The following CDYL variants were observed in gnomAD, a reference collection of about 807,000 sequenced individuals.
The protein encoded by CDYL is chromodomain Y-like protein.
In CDYL, 8 loss-of-function variants were observed where a neutral mutation model predicts 47.3. The observed-to-expected ratio is 0.17, with a 90% CI of 0.10 to 0.31. The LOEUF is 0.31. Among genes scored for constraint, CDYL ranks in the 10% least tolerant of loss-of-function variants. The pLI is 1.00. For synonymous variants in CDYL, 266 were observed against 265.0 expected (o/e 1.00, Z -0.04); for missense variants, 471 against 701.4 (o/e 0.67, Z 3.71).
At chr6:4,872,051 C>T (rs908132390) in intron 1 of CDYL, among the ~76,000 whole-genome samples, 3 of 152,098 alleles carry the variant, frequency 2.0e-5, no homozygotes, top group Admixed American at 6.5e-5. Context: ...AGTATGTGTG[C>T]GCAAGTGTAT....
chr6:4,759,350 G>A (rs1758133835), intron 3 of CDYL, among the ~76,000 whole-genome samples: 2 of 152,048 alleles, frequency 1.3e-5, no homozygotes, highest in Non-Finnish European at 2.9e-5. Flanking sequence ...GAGACTTTGT[G>A]CATTTTATTC....
chr6:4,709,560 C>T (rs1001036307), intron 1 of CDYL, among the ~76,000 whole-genome samples: 1 of 152,140 alleles, frequency 6.6e-6, no homozygotes, highest in Non-Finnish European at 1.5e-5. Context: ...GGTCCCTTCC[C>T]CCACCTCCCC....
At chr6:4,776,135 A>C (rs373302690), upstream of CDYL, among the ~76,000 whole-genome samples, 1 of 146,128 alleles carries the variant, frequency 6.8e-6, no homozygotes, top group African/African-American at 2.5e-5. Flanking sequence ...GGGACTGGGG[A>C]AGTCGGAGCC....
At chr6:4,847,101 G>A (rs1301014430) in intron 1 of CDYL, among the ~76,000 whole-genome samples, 3 of 152,148 alleles carry the variant, frequency 2.0e-5, no homozygotes, top group Non-Finnish European at 4.4e-5. Flanking sequence ...ACCCAGCATG[G>A]ACCACCCAGG....
intron 1 of CDYL, among the ~76,000 whole-genome samples, chr6:4,827,695 A>T (rs1019200512): frequency 6.6e-6 from 1 of 152,094 alleles, no homozygotes; most frequent in Non-Finnish European, 1.5e-5. Flanking sequence ...TCACTCTGTC[A>T]CCCAGGCTGG....
chr6:4,831,531 C>G (rs1313794295), intron 1 of CDYL, among the ~76,000 whole-genome samples: 2 of 152,174 alleles, frequency 1.3e-5, no homozygotes, highest in African/African-American at 4.8e-5. Context: ...CAGCTTTGTT[C>G]TTTTGGCTTA....
rs373046519 is a variant in CDYL, at chr6:4,929,397, CAT to C, written c.692-6116_692-6115del. 2.8e-3 allele frequency among the ~76,000 whole-genome samples: 430 copies of C among 151,200 alleles called. 2 individuals carry two copies. Among genetic ancestry groups the C allele is most frequent in the African/African-American group, 7.8e-3 (319 of 40,816 alleles). ...TAGTTTGGGGTTTGTGTGTATTTATCATAGTTAGTATTTTTTAAGCTTCTTGA... is the reference window on the plus strand; with the variant it reads ...TAGTTTGGGGTTTGTGTGTATTTATCAGTTAGTATTTTTTAAGCTTCTTGA... On this transcript the variant is annotated intron_variant, in intron 2 of 6. Transcript: ENST00000397588.
chr6:4,834,325 A>C (rs1257726971), intron 1 of CDYL, among the ~76,000 whole-genome samples: 3 of 148,360 alleles, frequency 2.0e-5, no homozygotes, highest in East Asian at 2.0e-4. Flanking sequence ...TTTCTCCTTC[A>C]CTTATGAAGC....
chr6:4,821,260 CTTTTTTTTTTTT>C (rs1176819548), intron 1 of CDYL, among the ~76,000 whole-genome samples: 18 of 60,384 alleles, frequency 3.0e-4, no homozygotes, highest in South Asian at 7.0e-4. Context: ...TATGGGAATT[CTTTTTTTTTTTT>C]TTTTTTTTTT....
chr6:4,776,897 G>T (rs1005562458), intron 1 of CDYL, 90 bp downstream of exon 1: 96 of 495,528 alleles, frequency 1.9e-4, no homozygotes, highest in Non-Finnish European at 2.4e-4. Flanking sequence ...CTCGCCGCCC[G>T]CGCCCGCCGC....
chr6:4,860,015 C>T (rs1181567363), intron 1 of CDYL, among the ~76,000 whole-genome samples: 1 of 151,740 alleles, frequency 6.6e-6, no homozygotes, highest in East Asian at 1.9e-4. Context: ...CATTCTCCTG[C>T]CTCAGTCTCC....
At chr6:4,729,307 A>C (rs1351206753) in intron 2 of CDYL, among the ~76,000 whole-genome samples, 1 of 152,108 alleles carries the variant, frequency 6.6e-6, no homozygotes, top group Non-Finnish European at 1.5e-5. Flanking sequence ...GGCTGTTTTC[A>C]AGCCTTTTTC....
At chr6:4,853,353 A>C (rs895606615) in intron 1 of CDYL, among the ~76,000 whole-genome samples, 5 of 152,240 alleles carry the variant, frequency 3.3e-5, no homozygotes, top group African/African-American at 1.2e-4. Context: ...GAGCTGAAGA[A>C]GGTAACATAA....
intron 2 of CDYL, among the ~76,000 whole-genome samples, chr6:4,732,382 T>C (rs1757620386): frequency 6.7e-6 from 1 of 150,036 alleles, no homozygotes; most frequent in African/African-American, 2.5e-5. Context: ...GTCTGGGCAC[T>C]GCGGCTTATG....
intron 3 of CDYL, among the ~76,000 whole-genome samples, chr6:4,769,553 C>G (rs998177122): frequency 6.6e-6 from 1 of 152,018 alleles, no homozygotes; most frequent in Admixed American, 6.6e-5. Flanking sequence ...AAAGCAATTG[C>G]GTAAAAGTCA....
rs574114533 is a variant in CDYL at position 4,771,303 on chromosome 6, G to C, written c.186+36459G>C. Reference sequence around the variant, plus strand: ...TAATTTTTGTATTTTTAGTGGAGATGGGGTTTCACCATGTTGGCCAGGCTG... The same window carrying C: ...TAATTTTTGTATTTTTAGTGGAGATCGGGTTTCACCATGTTGGCCAGGCTG... On this transcript the variant is annotated intron_variant, in intron 3 of 8. Coordinates refer to the CDYL transcript ENST00000328908. Among the ~76,000 whole-genome samples the C allele has an allele frequency of 4.3e-4, 66 of 152,014 alleles. 1 individual carries two copies. Among genetic ancestry groups the C allele is most frequent in the Non-Finnish European group, 7.9e-4 (54 of 68,024 alleles).
chr6:4,953,904 G>A lies in CDYL; in HGVS notation c.1483G>A (p.Glu495Lys). ...TGCTTGTTTTCCGGTGCAGGTGCTTGAGGAATCCAAAGCCCTCGTGCGCTG... is the reference window on the plus strand; with the variant it reads ...TGCTTGTTTTCCGGTGCAGGTGCTTAAGGAATCCAAAGCCCTCGTGCGCTG... ...ELASCNPVVL[E>K]ESKALVRCNM... The change falls in exon 7 of 7, where the codon GAG becomes AAG. Residue 495 changes from glutamate (E) to lysine (K), a missense_variant. This residue lies in a region of CDYL where 57 missense variants were observed against 74.3 expected (regional missense o/e 0.77). Coordinates refer to ENST00000397588, the MANE Select transcript of CDYL (RefSeq NM_004824.4). 6.2e-7 allele frequency: 1 copy of A among 1,611,740 alleles called. No homozygotes were observed.
At chr6:4,896,479 A>T (rs941511199) in intron 2 of CDYL, among the ~76,000 whole-genome samples, 2 of 152,204 alleles carry the variant, frequency 1.3e-5, no homozygotes, top group Non-Finnish European at 2.9e-5. Flanking sequence ...ATGGAAGACA[A>T]GGGTTGTTGT....
chr6:4,921,005 G>GTGTC (rs1243489234), intron 2 of CDYL, among the ~76,000 whole-genome samples: 6 of 151,888 alleles, frequency 4.0e-5, no homozygotes, highest in Admixed American at 1.3e-4. Flanking sequence ...CTGTGTGTGT[G>GTGTC]TGTGTGTGTA....
Sources: allele counts gnomAD v4.1 joint callset (sites outside exome capture counted in the v4.1 genomes callset), GRCh38; gene constraint gnomAD v4.1.1; regional missense constraint gnomAD v4.1.1; transcripts MANE v1.5; gene names NCBI Gene and HGNC (gene_info 2026-07-23, HGNC 2026-07-21).